The following PCDHGA8 variants were observed in gnomAD, a reference collection of about 807,000 sequenced individuals.
PCDHGA8 encodes protocadherin gamma-A8.
Under a neutral mutation model 59.2 loss-of-function variants are expected in PCDHGA8, and 45 were observed. The ratio of observed to expected loss-of-function variants is 0.76; its 90% CI spans 0.60 to 0.98. The LOEUF (loss-of-function observed/expected upper bound fraction) is 0.98, where lower values mean the gene tolerates loss of function less well. Ranked by LOEUF, PCDHGA8 falls within the 50% of genes least tolerant of loss-of-function variation. The pLI, the probability that PCDHGA8 is intolerant of heterozygous loss-of-function variation, is 0.00. For missense variants in PCDHGA8, 1,257 were observed against 1,196.2 expected (o/e 1.05, Z -0.75); for synonymous variants, 531 against 519.0 (o/e 1.02, Z -0.32).
chr5:141,404,001 C>T, intron 1 of PCDHGA8: 8 of 1,613,870 alleles, frequency 5.0e-6, no homozygotes, highest in South Asian at 1.1e-5. Context: ...GTGACCATTA[C>T]ATCTCTGTTT....
At chr5:141,436,473 C>CA (rs2097825744) in intron 1 of PCDHGA8, among the ~76,000 whole-genome samples, 1 of 152,112 alleles carries the variant, frequency 6.6e-6, no homozygotes, top group Non-Finnish European at 1.5e-5. Context: ...TCAGATGTAT[C>CA]ATAGAAGGAT....
chr5:141,461,648 A>G (rs910827619), intron 1 of PCDHGA8, among the ~76,000 whole-genome samples: 2 of 152,070 alleles, frequency 1.3e-5, no homozygotes, highest in South Asian at 2.1e-4. Context: ...TCTTTGACCC[A>G]TGGATTATTT....
rs372656276 is a variant in PCDHGA8, at chr5:141,415,107, A to G, written c.2424+19870A>G. ...TGCTGGACAGAGACGCGCTCAAGCA[A>G]AGCCTCGTAGTGGCCGTCCAGGACC... is the stretch of plus-strand genomic sequence containing the variant. On this transcript the variant is annotated intron_variant, in intron 1 of 3. Transcript: ENST00000398604. 1,052 of 1,613,570 alleles carry G rather than the reference A, an allele frequency of 6.5e-4. 7 individuals carry two copies. The African/African-American group carries it at 8.4e-3, about 13-fold the overall frequency.
intron 1 of PCDHGA8, chr5:141,417,619 C>A: frequency 1.5e-6 from 1 of 656,120 alleles, no homozygotes; most frequent in South Asian, 2.4e-5. Flanking sequence ...CAGTGCAGAG[C>A]AAGCGCTGAC....
intron 1 of PCDHGA8, chr5:141,441,844 G>T: frequency 2.8e-6 from 1 of 355,710 alleles, no homozygotes. Context: ...CGCGCTCTTG[G>T]ATATGGTGCT....
intron 1 of PCDHGA8, chr5:141,427,729 A>G (rs1176707357): frequency 8.5e-7 from 1 of 1,170,166 alleles, no homozygotes; most frequent in African/African-American, 1.5e-5. Context: ...CTAGGGCTGA[A>G]TGGCCAAGTC....
At chr5:141,468,960 T>TC (rs1562019766) in intron 1 of PCDHGA8, among the ~76,000 whole-genome samples, 1 of 151,348 alleles carries the variant, frequency 6.6e-6, no homozygotes, top group African/African-American at 2.4e-5. Flanking sequence ...TGGTTTTTTT[T>TC]ACCTTAGGCT....
intron 1 of PCDHGA8, chr5:141,430,691 G>C (rs1479214920): frequency 1.4e-6 from 2 of 1,416,472 alleles, no homozygotes; most frequent in Non-Finnish European, 1.9e-6. Flanking sequence ...CCATTCTATG[G>C]GCGAAGGAAC....
rs977174958 is a variant in PCDHGA8, at chr5:141,394,524, G to C, written c.1711G>C (p.Gly571Arg). 3.7e-6 allele frequency: 6 copies of C among 1,614,096 alleles called. No homozygotes were observed. The African/African-American group carries it at 6.7e-5, about 18-fold the overall frequency. ...EILYPALPTDGSTGVELAPRS... is the reference protein window; with the variant it reads ...EILYPALPTDRSTGVELAPRS... ...CCTGTACCCCGCCCTCCCCACAGAC[G>C]GTTCCACTGGCGTGGAGCTGGCGCC... Residue 571 changes from glycine (G) to arginine (R), a missense_variant, in exon 1 of 4, where the codon GGT becomes CGT. Coordinates refer to ENST00000398604, the MANE Select transcript of PCDHGA8 (RefSeq NM_032088.2).
chr5:141,409,351 G>T, intron 1 of PCDHGA8: 1 of 1,613,982 alleles, frequency 6.2e-7, no homozygotes, highest in South Asian at 1.1e-5. Flanking sequence ...GAGAAGTCAG[G>T]TGTAATATAG....
chr5:141,467,874 G>T (rs926647135), intron 1 of PCDHGA8, among the ~76,000 whole-genome samples: 1 of 151,920 alleles, frequency 6.6e-6, no homozygotes, highest in Non-Finnish European at 1.5e-5. Context: ...GCCCAGGCTG[G>T]TCTCAAACTC....
chr5:141,419,274 C>T lies in PCDHGA8; in HGVS notation c.2424+24037C>T, dbSNP rs755798236. 17 of 1,613,900 alleles carry T rather than the reference C, an allele frequency of 1.1e-5. No homozygotes were observed. Among genetic ancestry groups the T allele is most frequent in the African/African-American group, 1.3e-5 (1 of 74,948 alleles). ...AACAACCAGCCGGGTGCCTCCATAG[C>T]GCAAGTCAGTGCCTCTGACCCAGAC... is the stretch of plus-strand genomic sequence containing the variant. On this transcript the variant is annotated intron_variant, in intron 1 of 3. Transcript: ENST00000398604.
chr5:141,491,327 T>C lies in PCDHGA8; in HGVS notation c.2425-3480T>C, dbSNP rs1422115943. ...TCAGACCTTACCCTTTACCTCATTG[T>C]GGCTCTAGCGACCGTCAGTCTCTTA... is the stretch of plus-strand genomic sequence containing the variant. On this transcript the variant is annotated intron_variant, in intron 1 of 3. Coordinates refer to ENST00000398604, the MANE Select transcript of PCDHGA8 (RefSeq NM_032088.2). This position sits in a 1 kb window ranked among gnomAD's most constrained non-coding sequence, Gnocchi z 6.9. 5.6e-6 allele frequency: 9 copies of C among 1,614,098 alleles called. No homozygotes were observed. Among genetic ancestry groups the C allele is most frequent in the Admixed American group, 3.3e-5 (2 of 60,006 alleles).
intron 1 of PCDHGA8, among the ~76,000 whole-genome samples, chr5:141,465,502 G>T (rs948827391): frequency 6.6e-6 from 1 of 152,152 alleles, no homozygotes; most frequent in Non-Finnish European, 1.5e-5. Flanking sequence ...GAGCATTGTC[G>T]TGGTCAGGAA....
At chr5:141,498,194 T>C (rs1014641829) in intron 2 of PCDHGA8, among the ~76,000 whole-genome samples, 16 of 152,254 alleles carry the variant, frequency 1.1e-4, no homozygotes, top group African/African-American at 3.6e-4. Context: ...ATTAACCAGC[T>C]AAAGAAAAGA....
At chr5:141,401,322 A>G (rs2094140521) in intron 1 of PCDHGA8, among the ~76,000 whole-genome samples, 1 of 152,218 alleles carries the variant, frequency 6.6e-6, no homozygotes, top group African/African-American at 2.4e-5. Flanking sequence ...AGCCTGGGCA[A>G]CAAGAGCAAA....
rs1342473418 is a variant in PCDHGA8, at chr5:141,477,702, A to G, written c.2425-17105A>G. On this transcript the variant is annotated intron_variant, in intron 1 of 3. Transcript: ENST00000398604. The surrounding 1 kb of genome is among the most constrained non-coding windows in gnomAD (Gnocchi z 4.9). Reference sequence around the variant, plus strand: ...TCCTTAGTGCCCCTAGACTATGAGGATCGGCGGGAATTTGAATTAACAGCT... The same window carrying G: ...TCCTTAGTGCCCCTAGACTATGAGGGTCGGCGGGAATTTGAATTAACAGCT... The G allele has an allele frequency of 1.9e-6, 3 of 1,613,924 alleles. No individual in the cohort carries two copies. Among genetic ancestry groups the G allele is most frequent in the Non-Finnish European group, 2.5e-6 (3 of 1,180,044 alleles).
In PCDHGA8 at chr5:141,393,166, G is replaced by A; in HGVS notation, c.353G>A (p.Gly118Glu). 2 of 1,613,244 alleles carry A rather than the reference G, an allele frequency of 1.2e-6. No individual in the cohort carries two copies. The highest frequency in any genetic ancestry group is 1.7e-6 in the Non-Finnish European group (2 of 1,179,896). The change falls in exon 1 of 4, where the codon GGG becomes GAG. Residue 118 changes from glycine to glutamate, a missense_variant. Transcript: ENST00000398604. The part of the protein sequence containing the change: ...TLVEDKGKLF[G>E]VEIEIIDIND... ...GTTGAGGATAAAGGAAAACTCTTTG[G>A]GGTAGAAATAGAAATAATTGATATT...
chr5:141,453,732 C>T (rs182118864), intron 1 of PCDHGA8, among the ~76,000 whole-genome samples: 9 of 152,332 alleles, frequency 5.9e-5, no homozygotes. Context: ...TTTGTTACTA[C>T]AGCTTAAATA....
Sources: gnomAD v4.1 joint callset for allele counts (sites outside exome capture counted in the v4.1 genomes callset) on GRCh38, gnomAD v4.1.1 for gene constraint, Gnocchi (gnomAD v3.1) non-coding constraint, MANE v1.5 for transcripts, NCBI Gene and HGNC (gene_info 2026-07-23, HGNC 2026-07-21) for gene names.